Variants in RBFOX3 observed in about 807,000 individuals in gnomAD.
RBFOX3 encodes the protein RNA binding protein fox-1 homolog 3.
In RBFOX3, 17 loss-of-function variants were observed where a neutral mutation model predicts 48.7. The ratio of observed to expected loss-of-function variants is 0.35; its 90% confidence interval spans 0.24 to 0.52. The LOEUF (loss-of-function observed/expected upper bound fraction) is 0.52. Among genes scored for constraint, RBFOX3 ranks in the 20% least tolerant of loss-of-function variants. The pLI, the probability that RBFOX3 is intolerant of heterozygous loss-of-function variation, is 0.94. For synonymous variants in RBFOX3, 212 were observed against 209.5 expected (o/e 1.01, Z -0.10); for missense variants, 382 against 497.5 (o/e 0.77, Z 2.21).
At chr17:79,517,137 G>A (rs1192708319) in intron 1 of RBFOX3, among the ~76,000 whole-genome samples, 3 of 152,090 alleles carry the variant, frequency 2.0e-5, no homozygotes, top group Admixed American at 2.0e-4. Flanking sequence ...TATGTCATGT[G>A]TATTTTATCA....
At chr17:79,378,505 C>T (rs140877090) in intron 2 of RBFOX3, among the ~76,000 whole-genome samples, 95 of 152,324 alleles carry the variant, frequency 6.2e-4, no homozygotes, top group African/African-American at 2.2e-3. Context: ...CTCGCTAGGA[C>T]ATAACCCGTG....
At chr17:79,360,233 G>T (rs527907332) in intron 2 of RBFOX3, among the ~76,000 whole-genome samples, 1 of 152,066 alleles carries the variant, frequency 6.6e-6, no homozygotes, top group Non-Finnish European at 1.5e-5. Context: ...CCCTTACAAC[G>T]ATATCGATAT....
chr17:79,652,574 A>AAGGAG, the RBFOX3 span, among the ~76,000 whole-genome samples: 63 of 57,148 alleles, frequency 1.1e-3, 15 homozygotes, highest in East Asian at 2.1e-3. Flanking sequence ...AAGGAAAGGA[A>AAGGAG]AGGAGAGGAG....
At chr17:79,237,949 A>G (rs1259972914) in intron 3 of RBFOX3, among the ~76,000 whole-genome samples, 1 of 151,672 alleles carries the variant, frequency 6.6e-6, no homozygotes, top group Non-Finnish European at 1.5e-5. Flanking sequence ...ATTTTTTTCT[A>G]TTTTTGAGAC....
the RBFOX3 span, among the ~76,000 whole-genome samples, chr17:79,655,791 G>A: frequency 1.3e-5 from 2 of 152,264 alleles, no homozygotes; most frequent in African/African-American, 4.8e-5. Flanking sequence ...TCATCCCTCA[G>A]TATGGGGTGT....
In RBFOX3 at chr17:79,392,394, G is replaced by A. The variant is rs12938393; in HGVS notation, c.-174-84570C>T. ...ATTGTGGAGTTGTGAAGATTCATAA[G>A]CTAACTCTCACACGGTAGTGAGCGC... On this transcript the variant is annotated intron_variant, in intron 2 of 14. Transcript: ENST00000693108. The surrounding 1 kb of genome is among the most constrained non-coding windows in gnomAD (Gnocchi z 5.0). 0.052 allele frequency among the ~76,000 whole-genome samples: 7,952 copies of A among 152,244 alleles called. 275 individuals are homozygous for A. Among genetic ancestry groups the A allele is most frequent in the Admixed American group, 0.081 (1,237 of 15,290 alleles).
chr17:79,173,394 G>A (rs2049809771), intron 4 of RBFOX3, among the ~76,000 whole-genome samples: 1 of 152,170 alleles, frequency 6.6e-6, no homozygotes, highest in Non-Finnish European at 1.5e-5. Context: ...CATGCTAAAG[G>A]CATTAACACT....
chr17:79,340,270 G>A (rs1307486701), intron 2 of RBFOX3, among the ~76,000 whole-genome samples: 1 of 150,512 alleles, frequency 6.6e-6, no homozygotes, highest in African/African-American at 2.4e-5. Context: ...TTGCACTCCA[G>A]CCTGGGCAAT....
chr17:79,519,060 C>A (rs2085675103), intron 1 of RBFOX3, among the ~76,000 whole-genome samples: 1 of 152,236 alleles, frequency 6.6e-6, no homozygotes, highest in Non-Finnish European at 1.5e-5. Flanking sequence ...GGCAGCTCCC[C>A]CTAAGGCCTG....
Position 79,206,093 on chromosome 17 carries a change from C to T in RBFOX3, c.-34+29673G>A, listed in dbSNP as rs8069116. 2.0e-3 allele frequency among the ~76,000 whole-genome samples: 300 copies of T among 151,998 alleles called. 1 individual carries two copies. Among genetic ancestry groups the T allele is most frequent in the Non-Finnish European group, 3.5e-3 (241 of 67,978 alleles). On this transcript the variant is annotated intron_variant, in intron 4 of 14. Coordinates refer to ENST00000693108, the MANE Select transcript of RBFOX3 (RefSeq NM_001350451.2). Reference sequence around the variant, plus strand: ...AGGAAGACCTGTGTGTCAGAGGGTGCGAGGTAAAGCCTAGCAAGAAGGTCT... The same window carrying T: ...AGGAAGACCTGTGTGTCAGAGGGTGTGAGGTAAAGCCTAGCAAGAAGGTCT...
At chr17:79,582,276 G>A (rs1599215239) in intron 1 of RBFOX3, among the ~76,000 whole-genome samples, 3 of 151,160 alleles carry the variant, frequency 2.0e-5, no homozygotes, top group East Asian at 1.9e-4. Flanking sequence ...GCATGTGCCT[G>A]TGTGTGCATC....
At chr17:79,241,582 C>A (rs796405567) in intron 3 of RBFOX3, among the ~76,000 whole-genome samples, 7 of 152,232 alleles carry the variant, frequency 4.6e-5, no homozygotes, top group Admixed American at 1.3e-4. Context: ...ACTGTGACCA[C>A]GTGGAACTGT....
At chr17:79,317,043 A>G (rs1236052450) in intron 2 of RBFOX3, among the ~76,000 whole-genome samples, 1 of 152,158 alleles carries the variant, frequency 6.6e-6, no homozygotes, top group African/African-American at 2.4e-5. Flanking sequence ...TCCTTCAAAG[A>G]AAGGAGCTGA....
chr17:79,591,796 G>A (rs2093423602), intron 1 of RBFOX3, among the ~76,000 whole-genome samples: 1 of 151,944 alleles, frequency 6.6e-6, no homozygotes, highest in Non-Finnish European at 1.5e-5. Context: ...ATGTGTGCAC[G>A]TATGGAGGGT....
chr17:79,430,841 G>A (rs961296752), intron 2 of RBFOX3, among the ~76,000 whole-genome samples: 1 of 152,174 alleles, frequency 6.6e-6, no homozygotes, highest in Non-Finnish European at 1.5e-5. Flanking sequence ...CACCACACCC[G>A]CCCTGTGCTC....
chr17:79,169,340 G>A (rs561022127), intron 4 of RBFOX3, among the ~76,000 whole-genome samples: 1 of 152,224 alleles, frequency 6.6e-6, no homozygotes, highest in Admixed American at 6.5e-5. Flanking sequence ...TCCATATAGG[G>A]GAAGGGCAGG....
intron 2 of RBFOX3, among the ~76,000 whole-genome samples, chr17:79,349,487 G>C (rs868369326): frequency 6.6e-6 from 1 of 151,610 alleles, no homozygotes; most frequent in Non-Finnish European, 1.5e-5. Context: ...TCACCCTCCC[G>C]GTCCCTATTG....
intron 1 of RBFOX3, among the ~76,000 whole-genome samples, chr17:79,560,736 A>C (rs1404058160): frequency 6.6e-6 from 1 of 151,884 alleles, no homozygotes; most frequent in African/African-American, 2.4e-5. Context: ...GCCCCCACCC[A>C]CTTCCCCACC....
chr17:79,447,425 T>A (rs1396218731), intron 2 of RBFOX3, among the ~76,000 whole-genome samples: 1 of 152,218 alleles, frequency 6.6e-6, no homozygotes, highest in Non-Finnish European at 1.5e-5. Context: ...GCCGGCTTCA[T>A]CTGGAAGGTT....
Sources: allele counts gnomAD v4.1 joint callset (sites outside exome capture counted in the v4.1 genomes callset), GRCh38; gene constraint gnomAD v4.1.1; non-coding constraint Gnocchi (gnomAD v3.1); transcripts MANE v1.5; gene names NCBI Gene and HGNC (gene_info 2026-07-23, HGNC 2026-07-21).